WDR47: variants seen among roughly 807,000 people sequenced by gnomAD.
WDR47 encodes WD repeat domain 47, also known as WD repeat-containing protein 47.
In WDR47, 32 loss-of-function variants were observed where a neutral mutation model predicts 97.2. The ratio of observed to expected loss-of-function variants is 0.33; its 90% CI spans 0.25 to 0.44. WDR47 has a LOEUF of 0.44. Ranked by LOEUF, WDR47 falls within the 20% of genes least tolerant of loss-of-function variation. The pLI, the probability that WDR47 is intolerant of heterozygous loss-of-function variation, is 1.00. For missense variants in WDR47, 782 were observed against 1,102.3 expected (o/e 0.71, Z 4.11); for synonymous variants, 375 against 373.5 (o/e 1.00, Z -0.05).
intron 5 of WDR47, among the ~76,000 whole-genome samples, chr1:109,005,717 C>T (rs1286144243): frequency 6.6e-6 from 1 of 150,914 alleles, no homozygotes; most frequent in Non-Finnish European, 1.5e-5. Flanking sequence ...ACCAAAAACA[C>T]AAAAATTTGT....
Position 108,974,772 on chromosome 1 carries a change from A to G in WDR47, c.2399-18T>C. On this transcript the variant is annotated intron_variant, in intron 13 of 14. Transcript: ENST00000369962. ...TGCACTGCCTGTAGTGGTAGGAATGAAAGTTTAAATACAGAAAATCAATAT... is the reference window on the plus strand; with the variant it reads ...TGCACTGCCTGTAGTGGTAGGAATGGAAGTTTAAATACAGAAAATCAATAT... 1 of 1,580,408 alleles carries G rather than the reference A, an allele frequency of 6.3e-7. No individual in the cohort carries two copies. Among genetic ancestry groups the G allele is most frequent in the Non-Finnish European group, 8.6e-7 (1 of 1,160,148 alleles).
At chr1:108,987,289 T>C (rs1238621399) in intron 9 of WDR47, 1 of 157,772 alleles carries the variant, frequency 6.3e-6, no homozygotes. Context: ...TGCAGCATTA[T>C]TGCTTTCCTT....
chr1:109,005,185 T>G (rs1660504310), intron 5 of WDR47, among the ~76,000 whole-genome samples: 1 of 151,930 alleles, frequency 6.6e-6, no homozygotes, highest in Non-Finnish European at 1.5e-5. Flanking sequence ...GCAGCTCGCT[T>G]GAGCTAAGAA....
chr1:108,989,236 G>A (rs2591000), intron 9 of WDR47, among the ~76,000 whole-genome samples: 33,654 of 152,052 alleles, frequency 0.22, 3,990 homozygotes, highest in Admixed American at 0.3. Context: ...GGTATGGTCA[G>A]ACTCAACCAA....
intron 1 of WDR47, among the ~76,000 whole-genome samples, chr1:109,037,570 T>A (rs1194822197): frequency 7.1e-6 from 1 of 140,170 alleles, no homozygotes; most frequent in Non-Finnish European, 1.5e-5. Context: ...GAGCTTGCAG[T>A]GAGCTGAGAT....
chr1:109,028,886 C>T (rs1324182636), intron 1 of WDR47, among the ~76,000 whole-genome samples: 1 of 151,970 alleles, frequency 6.6e-6, no homozygotes, highest in East Asian at 1.9e-4. Context: ...AATCTATATT[C>T]CATCCTTGCC....
At chr1:108,980,227 G>C (rs1658238622) in intron 13 of WDR47, among the ~76,000 whole-genome samples, 1 of 151,664 alleles carries the variant, frequency 6.6e-6, no homozygotes, top group Admixed American at 6.6e-5. Flanking sequence ...TTTTGAAAAT[G>C]ATACAAACTA....
chr1:109,010,879 G>A (rs1314084818), intron 5 of WDR47, 37 bp downstream of exon 5: 8 of 1,568,996 alleles, frequency 5.1e-6, no homozygotes, highest in Non-Finnish European at 6.9e-6. Context: ...ACTGCACCCG[G>A]CCTAAGATTT....
At chr1:109,012,513 C>G (rs547814713) in intron 4 of WDR47, among the ~76,000 whole-genome samples, 1 of 132,636 alleles carries the variant, frequency 7.5e-6, no homozygotes, top group Admixed American at 9.1e-5. Flanking sequence ...GCAGAGGTTA[C>G]AGTGAGCTGA....
chr1:108,990,577 T>C (rs1659248871), intron 9 of WDR47, among the ~76,000 whole-genome samples: 1 of 152,096 alleles, frequency 6.6e-6, no homozygotes, highest in Non-Finnish European at 1.5e-5. Context: ...AAGGGACAAA[T>C]ATTCCTTTGT....
chr1:109,004,493 C>G, intron 6 of WDR47, 99 bp downstream of exon 6: 1 of 1,359,896 alleles, frequency 7.4e-7, no homozygotes, highest in African/African-American at 1.5e-5. Context: ...TTATTTCCTA[C>G]TCCCAAATAT....
chr1:109,027,758 G>A (rs490295), intron 1 of WDR47, among the ~76,000 whole-genome samples: 5,158 of 151,764 alleles, frequency 0.034, 137 homozygotes, highest in South Asian at 0.071. Flanking sequence ...TCCTGACCTC[G>A]TGATCCACCC....
In WDR47 at chr1:109,023,489, A is replaced by C; in HGVS notation, c.24T>G (p.Asn8Lys). ...GCTTAATGATTTCAACCTCTTTTAC[A>C]TTCACTGTTTCTTCAGCCGTCATAT... is the stretch of plus-strand genomic sequence containing the variant. Reference protein sequence around the residue: MTAEETVNVKEVEIIKLI... With the variant: MTAEETVKVKEVEIIKLI... The change falls in exon 2 of 15, where the codon AAT (asparagine) becomes AAG (lysine). Residue 8 changes from asparagine to lysine, a missense_variant. Coordinates refer to ENST00000369962, the MANE Select transcript of WDR47 (RefSeq NM_001142551.2). The C allele has an allele frequency of 6.2e-7, 1 of 1,613,318 alleles. No homozygotes were observed. Among genetic ancestry groups the C allele is most frequent in the Non-Finnish European group, 8.5e-7 (1 of 1,179,544 alleles).
chr1:108,982,738 C>T lies in WDR47; in HGVS notation c.2137G>A (p.Asp713Asn). 6.2e-7 allele frequency: 1 copy of T among 1,613,790 alleles called. No homozygotes were observed. The highest frequency in any genetic ancestry group is 8.5e-7 in the Non-Finnish European group (1 of 1,179,992). The change falls in exon 12 of 15, where the codon GAC (aspartate) becomes AAC (asparagine). Residue 713 changes from aspartate (D) to asparagine (N), a missense_variant. Physicochemically the swap from Asp to Asn is conservative, Grantham distance 23 (BLOSUM62 1). Coordinates refer to ENST00000369962, the MANE Select transcript of WDR47 (RefSeq NM_001142551.2). ...EFSMHDGTIR[D>N]LAFMEGPESG... ...TCTGGGCCTTCCATAAATGCCAAGT[C>T]TCTAATTGTTCCATCATGCATACTA...
chr1:108,994,372 G>C (rs571790042), intron 8 of WDR47, among the ~76,000 whole-genome samples: 7 of 152,060 alleles, frequency 4.6e-5, no homozygotes, highest in Non-Finnish European at 1.0e-4. Context: ...ATTCCAGCCC[G>C]GGCAACAAGA....
intron 1 of WDR47, among the ~76,000 whole-genome samples, chr1:109,037,621 C>G (rs1327025355): frequency 3.9e-5 from 5 of 128,510 alleles, no homozygotes; most frequent in African/African-American, 1.6e-4. Flanking sequence ...AGCGAGACCT[C>G]GTCTCAAAAA....
At position 108,982,702 on chromosome 1, in the gene WDR47, C is replaced by T; in HGVS notation, c.2173G>A (p.Ala725Thr). The T allele has an allele frequency of 6.2e-7, 1 of 1,614,050 alleles. No homozygotes were observed. The highest frequency in any genetic ancestry group is 1.1e-5 in the South Asian group (1 of 91,060). ...CCTGCTCCAGCACTTATTAAAATAG[C>T]TCCTCCGCTTTCTGGGCCTTCCATA... ...AFMEGPESGG[A>T]ILISAGAGDC... is the part of the protein sequence containing the mutation. Residue 725 changes from alanine (A) to threonine (T), a missense_variant, in exon 12 of 15, where the codon GCT (alanine) becomes ACT (threonine). Transcript: ENST00000369962.
rs145560888 is a variant in WDR47 at position 108,999,089 on chromosome 1, T to C, written c.1433+3135A>G. ...AAAAATACAAAAAATTAGCTGGGCA[T>C]AAGTGGCAGTGCCTGTAATTCCAGC... On this transcript the variant is annotated intron_variant, in intron 7 of 14. Coordinates refer to ENST00000369962, the MANE Select transcript of WDR47 (RefSeq NM_001142551.2). Among the ~76,000 whole-genome samples, 835 of 152,104 alleles carry C rather than the reference T, an allele frequency of 5.5e-3. 3 individuals are homozygous for C. Among genetic ancestry groups the C allele is most frequent in the African/African-American group, 0.019 (802 of 41,504 alleles).
At chr1:108,986,475 A>G (rs1364194968) in intron 10 of WDR47, 48 bp downstream of exon 10, 2 of 1,528,968 alleles carry the variant, frequency 1.3e-6, no homozygotes, top group South Asian at 1.3e-5. Flanking sequence ...CTATACGGCT[A>G]AATTAAAAAC....
Sources: gnomAD v4.1 joint callset for allele counts (sites outside exome capture counted in the v4.1 genomes callset) on GRCh38, gnomAD v4.1.1 for gene constraint, MANE v1.5 for transcripts, NCBI Gene and HGNC (gene_info 2026-07-23, HGNC 2026-07-21) for gene names.